KCNN3: variants seen among roughly 807,000 people sequenced by gnomAD.
The protein encoded by KCNN3 is potassium calcium-activated channel subfamily N member 3, also known as small conductance calcium-activated potassium channel protein 3.
In KCNN3, 16 loss-of-function variants were observed where a neutral mutation model predicts 62.9. That is an observed-to-expected ratio of 0.25 (90% CI 0.17 to 0.39). The LOEUF is 0.39. KCNN3 is among the 10% of genes least tolerant of loss of function. The pLI, the probability that KCNN3 is intolerant of heterozygous loss-of-function variation, is 1.00. For missense variants in KCNN3, 599 were observed against 949.4 expected (o/e 0.63, Z 4.85); for synonymous variants, 370 against 389.2 (o/e 0.95, Z 0.58).
At chr1:154,824,637 G>A (rs111646062) in intron 1 of KCNN3, among the ~76,000 whole-genome samples, 9 of 152,298 alleles carry the variant, frequency 5.9e-5, no homozygotes, top group African/African-American at 1.7e-4. Flanking sequence ...GCATCTGGGA[G>A]CATCACACCT....
rs531496350 is a variant in KCNN3 at position 154,800,837 on chromosome 1, G to A, written c.1029+21252C>T. On this transcript the variant is annotated intron_variant, in intron 2 of 7. Coordinates refer to ENST00000271915, the MANE Select transcript of KCNN3 (RefSeq NM_002249.6). ...AGTCAGGCAGATGGCTTGAGCTCACGAGTTTGAGACCAGGCTGGGCAACAT... is the reference window on the plus strand; with the variant it reads ...AGTCAGGCAGATGGCTTGAGCTCACAAGTTTGAGACCAGGCTGGGCAACAT... Among the ~76,000 whole-genome samples the A allele has an allele frequency of 1.2e-4, 19 of 152,240 alleles. No homozygotes were observed. In the South Asian group the frequency reaches 3.7e-3, roughly 30 times the overall value.
At chr1:154,852,777 A>G (rs1320920680) in intron 1 of KCNN3, among the ~76,000 whole-genome samples, 3 of 152,182 alleles carry the variant, frequency 2.0e-5, no homozygotes, top group Non-Finnish European at 4.4e-5. Context: ...TATTTTTAAT[A>G]TGGCTACTCA....
chr1:154,718,962 C>T (rs1258761512), intron 5 of KCNN3, among the ~76,000 whole-genome samples: 1 of 152,194 alleles, frequency 6.6e-6, no homozygotes, highest in African/African-American at 2.4e-5. Flanking sequence ...CAACAGAACA[C>T]ACACCTCTTC....
intron 2 of KCNN3, among the ~76,000 whole-genome samples, chr1:154,802,635 A>G (rs1650010015): frequency 6.6e-6 from 1 of 152,248 alleles, no homozygotes; most frequent in Admixed American, 6.5e-5. Flanking sequence ...GCTGCAGACT[A>G]ATATGGATAA....
At chr1:154,723,102 G>T (rs1700391628) in intron 5 of KCNN3, among the ~76,000 whole-genome samples, 1 of 152,174 alleles carries the variant, frequency 6.6e-6, no homozygotes, top group South Asian at 2.1e-4. Context: ...CAGAAGGCAG[G>T]CCAGGCATCC....
chr1:154,853,130 C>T (rs977911327), intron 1 of KCNN3, among the ~76,000 whole-genome samples: 3 of 151,812 alleles, frequency 2.0e-5, no homozygotes, highest in African/African-American at 7.3e-5. Flanking sequence ...GCTAGGACTA[C>T]AGGTGCACAC....
intron 1 of KCNN3, chr1:154,868,419 T>G: frequency 1.1e-6 from 1 of 929,738 alleles, no homozygotes; most frequent in Non-Finnish European, 1.3e-6. Context: ...TGCCCGAGAC[T>G]CTCTGAGAAG....
intron 4 of KCNN3, among the ~76,000 whole-genome samples, chr1:154,727,924 A>G (rs1700504662): frequency 6.6e-6 from 1 of 152,228 alleles, no homozygotes; most frequent in Non-Finnish European, 1.5e-5. Context: ...GGGCTATATC[A>G]TAGCGTTAAA....
chr1:154,711,993 G>C (rs191491110), intron 7 of KCNN3, among the ~76,000 whole-genome samples: 23 of 147,612 alleles, frequency 1.6e-4, no homozygotes, highest in African/African-American at 5.8e-4. Context: ...AGACGGAGAG[G>C]AAGAGAGACA....
intron 2 of KCNN3, among the ~76,000 whole-genome samples, chr1:154,777,564 C>A (rs1648842661): frequency 6.6e-6 from 1 of 152,214 alleles, no homozygotes. Context: ...CTGGAATAAA[C>A]TGTCCCAGGT....
intron 1 of KCNN3, among the ~76,000 whole-genome samples, chr1:154,824,972 G>T (rs1325699227): frequency 6.6e-6 from 1 of 152,146 alleles, no homozygotes. Context: ...ATTCTCCATC[G>T]CATGTCAATA....
intron 5 of KCNN3, among the ~76,000 whole-genome samples, chr1:154,715,560 C>T (rs1005076397): frequency 4.0e-5 from 6 of 150,058 alleles, no homozygotes; most frequent in East Asian, 1.9e-4. Flanking sequence ...TTTCTTTCTT[C>T]CTTTCTTTCT....
At chr1:154,796,729 C>T (rs1571285113) in intron 2 of KCNN3, among the ~76,000 whole-genome samples, 2 of 152,202 alleles carry the variant, frequency 1.3e-5, no homozygotes, top group African/African-American at 2.4e-5. Flanking sequence ...GCTCACCGGT[C>T]GATGTGCACA....
intron 2 of KCNN3, among the ~76,000 whole-genome samples, chr1:154,780,971 C>G (rs1256596195): frequency 6.6e-6 from 1 of 152,172 alleles, no homozygotes; most frequent in African/African-American, 2.4e-5. Flanking sequence ...CTACCCCGCT[C>G]TGTGTCTAAG....
intron 2 of KCNN3, among the ~76,000 whole-genome samples, chr1:154,815,419 C>T (rs535089868): frequency 2.0e-5 from 3 of 152,268 alleles, no homozygotes; most frequent in South Asian, 2.1e-4. Context: ...GCATCATCTC[C>T]GCGTGAAACC....
At chr1:154,791,657 C>T (rs58231428) in intron 2 of KCNN3, among the ~76,000 whole-genome samples, 5,177 of 152,244 alleles carry the variant, frequency 0.034, 96 homozygotes, top group African/African-American at 0.048. Flanking sequence ...CGAAAGGCCC[C>T]GATGTTAATT....
chr1:154,836,684 C>T (rs890261619), intron 1 of KCNN3, among the ~76,000 whole-genome samples: 1 of 152,240 alleles, frequency 6.6e-6, no homozygotes, highest in Non-Finnish European at 1.5e-5. Flanking sequence ...TTTCATCCCT[C>T]TCGCACTATT....
intron 7 of KCNN3, among the ~76,000 whole-genome samples, chr1:154,712,508 A>C (rs1411861519): frequency 6.6e-6 from 1 of 152,098 alleles, no homozygotes; most frequent in Non-Finnish European, 1.5e-5. Context: ...TAAACAAGGC[A>C]CCTGCACGTG....
At chr1:154,857,248 C>T (rs1213270728) in intron 1 of KCNN3, among the ~76,000 whole-genome samples, 5 of 152,212 alleles carry the variant, frequency 3.3e-5, no homozygotes, top group Admixed American at 1.3e-4. Context: ...TCAGTTTTCT[C>T]AACAAGGCTG....
Sources: gnomAD v4.1 joint callset for allele counts (sites outside exome capture counted in the v4.1 genomes callset) on GRCh38, gnomAD v4.1.1 for gene constraint, MANE v1.5 for transcripts, NCBI Gene and HGNC (gene_info 2026-07-23, HGNC 2026-07-21) for gene names.